The following EPB41L2 variants were observed in gnomAD, a reference collection of about 807,000 sequenced individuals.
EPB41L2 encodes the protein band 4.1-like protein 2.
Under a neutral mutation model 113.0 loss-of-function variants are expected in EPB41L2, and 43 were observed. The ratio of observed to expected loss-of-function variants is 0.38; its 90% CI spans 0.30 to 0.49. The LOEUF is 0.49. Ranked by LOEUF, EPB41L2 falls within the 20% of genes least tolerant of loss-of-function variation. The pLI is 0.95. For synonymous variants in EPB41L2, 442 were observed against 436.7 expected, an observed-to-expected ratio of 1.01 and a Z score of -0.15; for missense variants, 1,147 against 1,223.4, an observed-to-expected ratio of 0.94 and a Z score of 0.93.
intron 1 of EPB41L2, among the ~76,000 whole-genome samples, chr6:131,051,294 G>T (rs535510333): frequency 4.6e-4 from 70 of 152,142 alleles, no homozygotes; most frequent in African/African-American, 1.6e-3. Flanking sequence ...CTTACCAAAT[G>T]TGAGTACCGT....
intron 1 of EPB41L2, among the ~76,000 whole-genome samples, chr6:131,021,586 G>C (rs567978613): frequency 1.3e-5 from 2 of 152,020 alleles, no homozygotes; most frequent in Non-Finnish European, 2.9e-5. Context: ...CCTTGAACCC[G>C]GGAGGCAGAG....
intron 1 of EPB41L2, among the ~76,000 whole-genome samples, chr6:130,969,640 T>C (rs1281066388): frequency 6.6e-6 from 1 of 152,208 alleles, no homozygotes; most frequent in East Asian, 1.9e-4. Context: ...TAATGGCTAA[T>C]AATCTACAGA....
intron 14 of EPB41L2, among the ~76,000 whole-genome samples, chr6:130,875,455 C>T (rs993191927): frequency 2.0e-5 from 3 of 152,140 alleles, no homozygotes; most frequent in Non-Finnish European, 2.9e-5. Context: ...TTCCTTCCTT[C>T]GTGCTCCCCC....
At chr6:130,991,409 T>C (rs1031734350) in intron 1 of EPB41L2, among the ~76,000 whole-genome samples, 5 of 152,180 alleles carry the variant, frequency 3.3e-5, no homozygotes, top group African/African-American at 1.2e-4. Flanking sequence ...TTCCCAATCA[T>C]ATTCTTATTT....
intron 11 of EPB41L2, among the ~76,000 whole-genome samples, chr6:130,886,624 G>T (rs1251593016): frequency 8.3e-6 from 1 of 120,716 alleles, no homozygotes; most frequent in African/African-American, 2.5e-5. Context: ...AGCGGTTTTT[G>T]TTGTTGTTGT....
At chr6:131,000,420 AG>A (rs1187160426) in intron 1 of EPB41L2, among the ~76,000 whole-genome samples, 2 of 151,230 alleles carry the variant, frequency 1.3e-5, no homozygotes, top group Non-Finnish European at 2.9e-5. Flanking sequence ...ACTTTTAGGA[AG>A]AAAAATACAA....
In EPB41L2 at chr6:130,966,028, T is replaced by TAA. The variant is rs11430432; in HGVS notation, c.-14-9531_-14-9530dup. 5.7e-3 allele frequency among the ~76,000 whole-genome samples: 837 copies of TAA among 147,366 alleles called. 6 individuals are homozygous for TAA. Among genetic ancestry groups the TAA allele is most frequent in the African/African-American group, 0.021 (793 of 38,168 alleles). On this transcript the variant is annotated intron_variant, in intron 1 of 19. Coordinates refer to ENST00000337057, the MANE Select transcript of EPB41L2 (RefSeq NM_001431.4). The stretch of plus-strand genomic sequence containing the variant: ...TACACTAACAATAGCTGATGAGCTT[T>TAA]AAAAAAAAAATTGCAAAAAAAAAAT...
At chr6:130,992,081 A>G (rs74664771) in intron 1 of EPB41L2, among the ~76,000 whole-genome samples, 1,758 of 152,296 alleles carry the variant, frequency 0.012, 41 homozygotes, top group African/African-American at 0.041. Flanking sequence ...TGTTGAGTAA[A>G]TACCAATTTG....
intron 3 of EPB41L2, among the ~76,000 whole-genome samples, chr6:130,930,462 C>T (rs533824692): frequency 1.5e-4 from 23 of 152,074 alleles, no homozygotes; most frequent in African/African-American, 5.6e-4. Flanking sequence ...TTGGAGTGCT[C>T]AAGTATTACA....
intron 1 of EPB41L2, among the ~76,000 whole-genome samples, chr6:130,995,044 T>C (rs533634511): frequency 2.6e-5 from 4 of 152,190 alleles, no homozygotes; most frequent in African/African-American, 9.6e-5. Flanking sequence ...CTAAAATACA[T>C]AAAACAGGCC....
At chr6:131,041,605 C>T (rs1336670603) in intron 1 of EPB41L2, among the ~76,000 whole-genome samples, 1 of 152,104 alleles carries the variant, frequency 6.6e-6, no homozygotes, top group East Asian at 1.9e-4. Context: ...ATAGGAAATT[C>T]AGAAGGGAGA....
chr6:130,894,331 T>C lies in EPB41L2; in HGVS notation c.1487+13A>G, dbSNP rs372178530. ...GATCATGCCCGGCTTCCGAGCTGTT[T>C]TCCTAAAATTACCTGTAGAAAGTAT... On this transcript the variant is annotated intron_variant, in intron 10 of 19. Coordinates refer to ENST00000337057, the MANE Select transcript of EPB41L2 (RefSeq NM_001431.4). 23 of 1,610,484 alleles carry C rather than the reference T, an allele frequency of 1.4e-5. No homozygotes were observed. The African/African-American group carries it at 2.0e-4, about 14-fold the overall frequency.
At chr6:130,883,265 A>G (rs1047951717) in intron 12 of EPB41L2, 1 of 152,630 alleles carries the variant, frequency 6.6e-6, no homozygotes, top group Admixed American at 6.5e-5. Flanking sequence ...CAAAAGAAAA[A>G]ATGAGTAGTT....
chr6:130,971,511 TAGTC>T (rs1272259400), intron 1 of EPB41L2, among the ~76,000 whole-genome samples: 2 of 152,252 alleles, frequency 1.3e-5, no homozygotes, highest in East Asian at 3.8e-4. Context: ...GATATCACGA[TAGTC>T]AGTCTGATCA....
At chr6:130,988,590 A>G (rs933514870) in intron 1 of EPB41L2, among the ~76,000 whole-genome samples, 2 of 152,190 alleles carry the variant, frequency 1.3e-5, no homozygotes, top group Non-Finnish European at 2.9e-5. Flanking sequence ...GGGGCTGTAA[A>G]TATGTAAAAG....
chr6:130,911,901 C>T (rs1014230977), intron 4 of EPB41L2, among the ~76,000 whole-genome samples: 8 of 130,770 alleles, frequency 6.1e-5, no homozygotes, highest in Admixed American at 2.2e-4. Context: ...AACAGGGGTC[C>T]TCAACCCCCA....
At chr6:130,962,051 C>T (rs1040347052) in intron 1 of EPB41L2, among the ~76,000 whole-genome samples, 1 of 152,116 alleles carries the variant, frequency 6.6e-6, no homozygotes, top group Non-Finnish European at 1.5e-5. Context: ...CCTGCTGATA[C>T]CCACAATCAC....
intron 18 of EPB41L2, 146 bp downstream of exon 18, chr6:130,863,492 C>A: frequency 3.5e-6 from 2 of 574,492 alleles, no homozygotes; most frequent in South Asian, 4.5e-5. Flanking sequence ...TGTATCCAGG[C>A]TGTGTCTTTA....
Position 130,931,375 on chromosome 6 carries a change from G to A in EPB41L2, c.706-4666C>T, listed in dbSNP as rs190386304. On this transcript the variant is annotated intron_variant, in intron 3 of 19. Coordinates refer to ENST00000337057, the MANE Select transcript of EPB41L2 (RefSeq NM_001431.4). ...ACATAAGCTAGGGAATAAAAAGAAG[G>A]ACTGAGAAGGAAAATTGTAACAAAA... 4.1e-3 allele frequency among the ~76,000 whole-genome samples: 626 copies of A among 152,026 alleles called. 14 individuals carry two copies. The highest frequency in any genetic ancestry group is 6.2e-4 in the Non-Finnish European group (42 of 67,972).
Sources: allele counts gnomAD v4.1 joint callset (sites outside exome capture counted in the v4.1 genomes callset), GRCh38; gene constraint gnomAD v4.1.1; transcripts MANE v1.5; gene names NCBI Gene and HGNC (gene_info 2026-07-23, HGNC 2026-07-21).